Variants in MINDY4 observed in about 807,000 individuals in gnomAD.
MINDY4 encodes MINDY lysine 48 deubiquitinase 4.
Under a neutral mutation model 87.0 loss-of-function variants are expected in MINDY4, and 68 were observed. The ratio of observed to expected loss-of-function variants is 0.78; its 90% confidence interval spans 0.64 to 0.96. The LOEUF is 0.96. Ranked by LOEUF, MINDY4 falls within the 40% of genes least tolerant of loss-of-function variation. The probability of loss-of-function intolerance (pLI) is 0.00; values close to 1 mark genes in which losing one functional copy is unlikely to be tolerated. For synonymous variants in MINDY4, 379 were observed against 363.2 expected, an observed-to-expected ratio of 1.04 and a Z score of -0.50; for missense variants, 919 against 928.2, an observed-to-expected ratio of 0.99 and a Z score of 0.13.
At chr7:30,785,293 CACACACA>C (rs879470046) in intron 3 of MINDY4, among the ~76,000 whole-genome samples, 17 of 131,810 alleles carry the variant, frequency 1.3e-4, no homozygotes, top group South Asian at 1.2e-3. Flanking sequence ...CACACACACA[CACACACA>C]CCCATTGGCA....
intron 2 of MINDY4, chr7:30,780,662 T>C (rs1283298543): frequency 6.6e-6 from 1 of 152,226 alleles, no homozygotes; most frequent in Middle Eastern, 3.2e-3. Flanking sequence ...TAGTAACTTG[T>C]TCTAACCTCT....
At chr7:30,817,509 T>TG (rs1037364018) in intron 5 of MINDY4, among the ~76,000 whole-genome samples, 3 of 151,960 alleles carry the variant, frequency 2.0e-5, no homozygotes, top group African/African-American at 7.3e-5. Flanking sequence ...GTTGAAGTGA[T>TG]GGGGGTTATA....
At position 30,791,037 on chromosome 7, in the gene MINDY4, A is replaced by G. The variant is rs1003344988; in HGVS notation, c.664-128A>G. ...AAATAATAGGCAAGATTTTAAGGGA[A>G]AGAGTCCGAGGTGGGAAAAGACATT... On this transcript the variant is annotated intron_variant, in intron 4 of 17. Coordinates refer to ENST00000265299, the MANE Select transcript of MINDY4 (RefSeq NM_032222.3). The G allele has an allele frequency of 6.3e-6, 6 of 952,786 alleles. No individual in the cohort carries two copies. In the African/African-American group the frequency reaches 9.9e-5, roughly 16 times the overall value. 59.0% of individuals were successfully genotyped at this position (952,786 alleles called of 1,614,324 possible).
chr7:30,877,633 G>A (rs948507383), intron 15 of MINDY4, among the ~76,000 whole-genome samples: 8 of 151,016 alleles, frequency 5.3e-5, no homozygotes, highest in Non-Finnish European at 1.2e-4. Flanking sequence ...AAGACTCAGG[G>A]CCCAGCAGCT....
chr7:30,877,717 T>G (rs1790311649), intron 15 of MINDY4, among the ~76,000 whole-genome samples: 1 of 147,072 alleles, frequency 6.8e-6, no homozygotes, highest in South Asian at 2.2e-4. Flanking sequence ...GGTCTCACTC[T>G]GTCACCCATG....
intron 5 of MINDY4, among the ~76,000 whole-genome samples, chr7:30,819,661 T>C (rs1250326459): frequency 6.6e-6 from 1 of 152,148 alleles, no homozygotes; most frequent in Non-Finnish European, 1.5e-5. Context: ...GAAGCTTTGT[T>C]GTTAGGAGCA....
At position 30,785,385 on chromosome 7, in the gene MINDY4, T is replaced by C. The variant is rs1787132838; in HGVS notation, c.420-364T>C. 2.0e-5 allele frequency among the ~76,000 whole-genome samples: 3 copies of C among 152,136 alleles called. No individual in the cohort carries two copies. The South Asian group carries it at 6.2e-4, about 32-fold the overall frequency. On this transcript the variant is annotated intron_variant, in intron 3 of 17. Transcript: ENST00000265299. ...GGGTCTTCTCCACGCCTCTCAGTGGTGTGCGGCAAGGCTGGGCTTCGCATA... is the reference window on the plus strand; with the variant it reads ...GGGTCTTCTCCACGCCTCTCAGTGGCGTGCGGCAAGGCTGGGCTTCGCATA...
chr7:30,823,398 C>T (rs559920411), intron 5 of MINDY4, among the ~76,000 whole-genome samples: 8 of 152,208 alleles, frequency 5.3e-5, no homozygotes, highest in East Asian at 1.9e-4. Flanking sequence ...CATTCATTGA[C>T]GGTATTCTGT....
chr7:30,821,452 T>C (rs1788326263), intron 5 of MINDY4, among the ~76,000 whole-genome samples: 1 of 152,236 alleles, frequency 6.6e-6, no homozygotes, highest in Non-Finnish European at 1.5e-5. Context: ...TTGTCATTGC[T>C]ATTGAGAAGT....
At chr7:30,850,196 G>A (rs62449089) in intron 9 of MINDY4, among the ~76,000 whole-genome samples, 9,167 of 152,210 alleles carry the variant, frequency 0.06, 375 homozygotes, top group Middle Eastern at 0.075. Context: ...TGCTCCTGTG[G>A]GCCCTTTCCT....
chr7:30,782,357 TG>T, intron 3 of MINDY4, 145 bp downstream of exon 3: 1 of 658,186 alleles, frequency 1.5e-6, no homozygotes, highest in Non-Finnish European at 2.6e-6. Context: ...TGTGTGTGTG[TG>T]TGTGTGTGTG....
intron 1 of MINDY4, among the ~76,000 whole-genome samples, chr7:30,774,321 A>G (rs1279054330): frequency 6.6e-6 from 1 of 152,136 alleles, no homozygotes; most frequent in African/African-American, 2.4e-5. Flanking sequence ...GTTCTTGTGG[A>G]TGAATTCTCC....
At chr7:30,780,081 A>G (rs1052339665) in intron 2 of MINDY4, 5 of 152,228 alleles carry the variant, frequency 3.3e-5, no homozygotes, top group East Asian at 3.9e-4. Flanking sequence ...CGTGAAGTCT[A>G]TCAGAGGCTC....
At chr7:30,839,668 G>A (rs61139153) in intron 8 of MINDY4, among the ~76,000 whole-genome samples, 6,105 of 151,218 alleles carry the variant, frequency 0.04, 148 homozygotes, top group Middle Eastern at 0.092. Context: ...ATCATTGAGA[G>A]ATTCACAGGA....
At position 30,839,235 on chromosome 7, in the gene MINDY4, C is replaced by A. The variant is rs1788960605; in HGVS notation, c.1275C>A (p.Cys425Ter). The change falls in exon 8 of 18, where the codon TGC becomes TGA. Residue 425 changes from cysteine to a stop codon, truncating the protein, a stop_gained. Coordinates refer to ENST00000265299, the MANE Select transcript of MINDY4 (RefSeq NM_032222.3). LOFTEE classifies it high-confidence loss of function. ...IKTLLFGSSF[C>*]CFNEEWKLQS... ...CCCTTCTGTTTGGTTCCAGCTTTTG[C>A]TGTTTCAATGAAGAATGGAAACTTC... 3 of 1,611,108 alleles carry A rather than the reference C, an allele frequency of 1.9e-6. No individual in the cohort carries two copies. Among genetic ancestry groups the A allele is most frequent in the Non-Finnish European group, 2.5e-6 (3 of 1,179,008 alleles).
chr7:30,781,803 T>C, intron 2 of MINDY4, 174 bp from the exon 3 acceptor site: 1 of 591,054 alleles, frequency 1.7e-6, no homozygotes, highest in Middle Eastern at 4.4e-4. Context: ...TCTGTGTCCG[T>C]ACCCAACATA....
chr7:30,859,117 C>T (rs759423450), intron 12 of MINDY4, 140 bp from the exon 13 acceptor site: 2 of 800,048 alleles, frequency 2.5e-6, no homozygotes, highest in South Asian at 1.4e-5. Flanking sequence ...GCCTTCGGGC[C>T]ACCCAGCAAC....
rs761858810 is a variant in MINDY4 at position 30,771,480 on chromosome 7, C to T, written c.-14C>T. 7.5e-6 allele frequency: 12 copies of T among 1,599,150 alleles called. No individual in the cohort carries two copies. The highest frequency in any genetic ancestry group is 1.0e-5 in the Non-Finnish European group (12 of 1,174,414). ...CCCGGCGTGGGCCTCGTGGGCAGAG[C>T]CAGAGCCAGAGCCATGGACAGCCTC... On this transcript the variant is annotated 5_prime_UTR_variant, in exon 1 of 18. Coordinates refer to ENST00000265299, the MANE Select transcript of MINDY4 (RefSeq NM_032222.3).
chr7:30,805,801 G>T (rs1352296716), intron 5 of MINDY4, among the ~76,000 whole-genome samples: 1 of 152,168 alleles, frequency 6.6e-6, no homozygotes, highest in Non-Finnish European at 1.5e-5. Context: ...GGTACACAGG[G>T]ACAGGGTGGC....
Sources: allele counts gnomAD v4.1 joint callset (sites outside exome capture counted in the v4.1 genomes callset), GRCh38; gene constraint gnomAD v4.1.1; transcripts MANE v1.5; gene names NCBI Gene and HGNC (gene_info 2026-07-23, HGNC 2026-07-21).